Variants in ARMH4 observed in about 807,000 individuals in gnomAD.
ARMH4 encodes the protein armadillo-like helical domain-containing protein 4.
Under a neutral mutation model 61.9 loss-of-function variants are expected in ARMH4, and 49 were observed. The ratio of observed to expected loss-of-function variants is 0.79; its 90% CI spans 0.63 to 1.00. The LOEUF (loss-of-function observed/expected upper bound fraction) is 1.00, where lower values mean the gene tolerates loss of function less well. Among genes scored for constraint, ARMH4 ranks in the 50% least tolerant of loss-of-function variants. The pLI is 0.00. For synonymous variants in ARMH4, 368 were observed against 341.5 expected (o/e 1.08, Z -0.85); for missense variants, 934 against 930.0 (o/e 1.00, Z -0.06).
At chr14:58,011,960 A>C (rs867425981) in intron 6 of ARMH4, among the ~76,000 whole-genome samples, 159 bp downstream of exon 6, 1 of 152,180 alleles carries the variant, frequency 6.6e-6, no homozygotes, top group Non-Finnish European at 1.5e-5. Flanking sequence ...TTTAAAGGGA[A>C]GGGCTTCTTT....
At chr14:58,026,538 T>G (rs1405732566) in intron 5 of ARMH4, among the ~76,000 whole-genome samples, 1 of 152,136 alleles carries the variant, frequency 6.6e-6, no homozygotes, top group Non-Finnish European at 1.5e-5. Flanking sequence ...AGTTTGGCCT[T>G]CATACTTTAT....
intron 4 of ARMH4, among the ~76,000 whole-genome samples, chr14:58,126,466 G>A (rs1312427618): frequency 6.6e-6 from 1 of 152,180 alleles, no homozygotes; most frequent in South Asian, 2.1e-4. Context: ...TACTGGAATT[G>A]TTCTCTGAGG....
chr14:58,032,650 C>T (rs1394230280), intron 5 of ARMH4, among the ~76,000 whole-genome samples: 1 of 151,508 alleles, frequency 6.6e-6, no homozygotes, highest in South Asian at 2.1e-4. Flanking sequence ...CCGGGTTCAT[C>T]TCACTAGGGA....
intron 5 of ARMH4, among the ~76,000 whole-genome samples, chr14:58,094,815 G>C (rs1305751387): frequency 6.6e-6 from 1 of 152,214 alleles, no homozygotes; most frequent in African/African-American, 2.4e-5. Context: ...AGGGGCATGA[G>C]GAATCACTGG....
chr14:58,137,356 A>G (rs1887337427), intron 2 of ARMH4, among the ~76,000 whole-genome samples: 1 of 152,122 alleles, frequency 6.6e-6, no homozygotes, highest in Non-Finnish European at 1.5e-5. Flanking sequence ...CAGTTAAAGA[A>G]CACTGGTCTA....
chr14:58,101,155 T>A (rs765298086), intron 4 of ARMH4: 3 of 152,700 alleles, frequency 2.0e-5, no homozygotes, highest in Non-Finnish European at 4.4e-5. Context: ...CATGTAGGAC[T>A]GTGATGCGTC....
chr14:58,142,235 A>G (rs1046078913), intron 1 of ARMH4, among the ~76,000 whole-genome samples: 1 of 152,158 alleles, frequency 6.6e-6, no homozygotes, highest in Non-Finnish European at 1.5e-5. Flanking sequence ...TAATCATTCA[A>G]TGATCTAAGT....
At chr14:58,106,195 C>T (rs1886160269) in intron 4 of ARMH4, among the ~76,000 whole-genome samples, 1 of 152,172 alleles carries the variant, frequency 6.6e-6, no homozygotes, top group Non-Finnish European at 1.5e-5. Context: ...GGCTCCTTGC[C>T]ATGGAGCTAA....
chr14:58,143,743 C>A (rs953845196), intron 1 of ARMH4, among the ~76,000 whole-genome samples: 1 of 147,922 alleles, frequency 6.8e-6, no homozygotes, highest in Non-Finnish European at 1.5e-5. Context: ...GGATTACAGG[C>A]ATGAGCCACC....
intron 4 of ARMH4, among the ~76,000 whole-genome samples, chr14:58,108,506 G>A (rs1425961579): frequency 6.6e-6 from 1 of 151,942 alleles, no homozygotes; most frequent in Non-Finnish European, 1.5e-5. Context: ...CTATATTTGG[G>A]GACTTTCTTT....
At chr14:58,041,046 G>C (rs773568451) in intron 5 of ARMH4, among the ~76,000 whole-genome samples, 47 of 152,336 alleles carry the variant, frequency 3.1e-4, no homozygotes, top group Non-Finnish European at 5.7e-4. Context: ...CGACGCAGAA[G>C]ACGGGTGATT....
intron 4 of ARMH4, among the ~76,000 whole-genome samples, chr14:58,102,743 G>A (rs1258292551): frequency 1.4e-4 from 21 of 149,482 alleles, no homozygotes; most frequent in Admixed American, 2.7e-4. Context: ...CCCGGGAAGC[G>A]GAGCTTGCAG....
chr14:58,073,644 T>C (rs542185798), intron 5 of ARMH4, among the ~76,000 whole-genome samples: 1 of 152,240 alleles, frequency 6.6e-6, no homozygotes, highest in Non-Finnish European at 1.5e-5. Flanking sequence ...TTAGACAGAC[T>C]TTTTTGTTCA....
chr14:58,059,267 C>T (rs539542273), intron 5 of ARMH4, among the ~76,000 whole-genome samples: 1 of 152,336 alleles, frequency 6.6e-6, no homozygotes, highest in South Asian at 2.1e-4. Flanking sequence ...TTAAATGGCC[C>T]TTCGGGTGTT....
At chr14:58,015,983 A>C (rs1882597098) in intron 5 of ARMH4, among the ~76,000 whole-genome samples, 1 of 151,860 alleles carries the variant, frequency 6.6e-6, no homozygotes, top group South Asian at 2.1e-4. Flanking sequence ...AAATAGACAA[A>C]CATCACAGTA....
At chr14:58,042,530 A>T (rs1348013505) in intron 5 of ARMH4, among the ~76,000 whole-genome samples, 2 of 152,162 alleles carry the variant, frequency 1.3e-5, no homozygotes, top group Non-Finnish European at 2.9e-5. Context: ...TAACATCACA[A>T]TTAAAAGAAC....
intron 1 of ARMH4, among the ~76,000 whole-genome samples, chr14:58,145,002 G>A (rs949318197): frequency 6.6e-6 from 1 of 152,202 alleles, no homozygotes; most frequent in Non-Finnish European, 1.5e-5. Context: ...AGTCATAAAA[G>A]CTATAGAACT....
chr14:58,049,903 C>A (rs1015702), intron 5 of ARMH4, among the ~76,000 whole-genome samples: 45,600 of 152,020 alleles, frequency 0.3, 7,512 homozygotes, highest in Non-Finnish European at 0.37. Context: ...AAGAACAACA[C>A]TTCTTTTTTG....
chr14:58,060,181 T>A (rs1884482602), intron 5 of ARMH4, among the ~76,000 whole-genome samples: 1 of 152,238 alleles, frequency 6.6e-6, no homozygotes, highest in African/African-American at 2.4e-5. Context: ...TGAGCTCCAC[T>A]TTATTCACTC....
Sources: allele counts gnomAD v4.1 joint callset (sites outside exome capture counted in the v4.1 genomes callset), GRCh38; gene constraint gnomAD v4.1.1; transcripts MANE v1.5; gene names NCBI Gene and HGNC (gene_info 2026-07-23, HGNC 2026-07-21).